Variants in SP100 observed in about 807,000 individuals in gnomAD.
The protein encoded by SP100 is nuclear autoantigen Sp-100.
A neutral mutation model predicts 130.0 loss-of-function variants in SP100; 84 were observed. The observed-to-expected ratio is 0.65, with a 90% CI of 0.54 to 0.77. SP100 has a LOEUF of 0.77. Ranked by LOEUF, SP100 falls within the 30% of genes least tolerant of loss-of-function variation. SP100 has a pLI of 0.00. For missense variants in SP100, 978 were observed against 1,052.2 expected, an observed-to-expected ratio of 0.93 and a Z score of 0.97; for synonymous variants, 331 against 351.7, an observed-to-expected ratio of 0.94 and a Z score of 0.66.
At chr2:230,541,127 A>T in intron 26 of SP100, 131 bp downstream of exon 26, 1 of 1,258,330 alleles carries the variant, frequency 7.9e-7, no homozygotes, top group Non-Finnish European at 1.1e-6. Context: ...TTGCTCCATG[A>T]CCTAACGCTA....
At chr2:230,528,902 C>A (rs543467150) in intron 24 of SP100, among the ~76,000 whole-genome samples, 117 of 152,272 alleles carry the variant, frequency 7.7e-4, no homozygotes, top group African/African-American at 2.6e-3. Context: ...TCTGCATAGA[C>A]CAATAACAGG....
intron 2 of SP100, among the ~76,000 whole-genome samples, chr2:230,418,231 C>T (rs2062671055): frequency 6.6e-6 from 1 of 152,166 alleles, no homozygotes. Flanking sequence ...TTGTCTCAAA[C>T]TTTTCCTCCA....
intron 17 of SP100, 110 bp downstream of exon 17, chr2:230,474,557 G>A: frequency 1.6e-6 from 1 of 628,714 alleles, no homozygotes. Flanking sequence ...ATAGATTAAA[G>A]GGTGCATTTG....
At chr2:230,519,011 C>G (rs1203916136) in intron 24 of SP100, among the ~76,000 whole-genome samples, 2 of 152,180 alleles carry the variant, frequency 1.3e-5, no homozygotes, top group African/African-American at 4.8e-5. Flanking sequence ...GTAAATTTCA[C>G]TAGTTTTAAA....
intron 20 of SP100, 77 bp from the exon 21 acceptor site, chr2:230,504,109 G>A (rs1323089199): frequency 2.8e-6 from 2 of 725,620 alleles, no homozygotes; most frequent in South Asian, 1.8e-5. Flanking sequence ...ATAAAAGAAA[G>A]CTCTCAAGAC....
At chr2:230,437,502 T>C (rs1296026866) in intron 2 of SP100, among the ~76,000 whole-genome samples, 1 of 152,192 alleles carries the variant, frequency 6.6e-6, no homozygotes, top group Admixed American at 6.5e-5. Context: ...AATATTGATA[T>C]ATATTTCAAG....
chr2:230,504,508 G>A (rs1391603879), intron 21 of SP100, among the ~76,000 whole-genome samples: 3 of 152,172 alleles, frequency 2.0e-5, no homozygotes, highest in African/African-American at 7.2e-5. Context: ...TGCACATGGG[G>A]TGAAATTCAG....
intron 17 of SP100, among the ~76,000 whole-genome samples, chr2:230,491,791 C>A (rs917553652): frequency 3.9e-5 from 6 of 152,212 alleles, no homozygotes; most frequent in African/African-American, 9.7e-5. Context: ...GGAGCCAAAC[C>A]ATATAACGAT....
intron 2 of SP100, among the ~76,000 whole-genome samples, chr2:230,422,161 T>C (rs2149858021): frequency 6.6e-6 from 1 of 152,294 alleles, no homozygotes; most frequent in South Asian, 2.1e-4. Context: ...TTTTGAAAAG[T>C]TGTTTCTCTT....
chr2:230,455,963 A>G (rs1012032964), intron 8 of SP100, among the ~76,000 whole-genome samples: 1 of 152,206 alleles, frequency 6.6e-6, no homozygotes, highest in Admixed American at 6.5e-5. Flanking sequence ...ATACTCTAAA[A>G]AATTATTGTA....
chr2:230,511,093 T>C (rs1429385238), intron 23 of SP100, 32 bp from the exon 24 acceptor site: 2 of 1,488,686 alleles, frequency 1.3e-6, no homozygotes, highest in East Asian at 2.3e-5. Flanking sequence ...TCACACTCAA[T>C]ATTGTACCAA....
intron 17 of SP100, among the ~76,000 whole-genome samples, chr2:230,475,254 T>C (rs1345283128): frequency 6.6e-6 from 1 of 152,224 alleles, no homozygotes; most frequent in African/African-American, 2.4e-5. Context: ...AGATGGTATC[T>C]CACTGTGATT....
At chr2:230,445,561 A>T (rs1559491704) in intron 4 of SP100, among the ~76,000 whole-genome samples, 1 of 152,240 alleles carries the variant, frequency 6.6e-6, no homozygotes, top group Non-Finnish European at 1.5e-5. Flanking sequence ...CAGTAGTTGT[A>T]TATGGCTTAT....
intron 2 of SP100, among the ~76,000 whole-genome samples, chr2:230,437,552 T>G (rs1339841835): frequency 4.6e-5 from 7 of 152,122 alleles, no homozygotes; most frequent in Admixed American, 2.0e-4. Flanking sequence ...TTCTTTGTTT[T>G]TTTTGTTTTG....
intron 2 of SP100, among the ~76,000 whole-genome samples, chr2:230,440,291 C>A (rs187001919): frequency 7.9e-5 from 12 of 152,014 alleles, no homozygotes; most frequent in Non-Finnish European, 1.5e-4. Context: ...ACTAGAAATA[C>A]TACATGAATT....
At chr2:230,540,728 TG>T in intron 25 of SP100, 147 bp from the exon 26 acceptor site, 1 of 921,166 alleles carries the variant, frequency 1.1e-6, no homozygotes, top group East Asian at 2.7e-5. Flanking sequence ...TGAGTCCAAA[TG>T]GGGCTCTAGT....
At chr2:230,541,197 CAA>C in intron 26 of SP100, 102 bp from the exon 27 acceptor site, 2 of 1,262,168 alleles carry the variant, frequency 1.6e-6, no homozygotes, top group Non-Finnish European at 2.2e-6. Context: ...ATGTTTGTTT[CAA>C]AGAGTCCACA....
intron 10 of SP100, 123 bp downstream of exon 10, chr2:230,462,641 T>C (rs1199417677): frequency 2.7e-6 from 2 of 739,652 alleles, no homozygotes; most frequent in Non-Finnish European, 4.8e-6. Context: ...TGGGATCCCA[T>C]TCTTTGCATT....
chr2:230,481,782 C>T (rs1226594997), intron 17 of SP100, among the ~76,000 whole-genome samples: 2 of 152,178 alleles, frequency 1.3e-5, no homozygotes, highest in Non-Finnish European at 2.9e-5. Flanking sequence ...CTTTATGATT[C>T]CCCCTCACTT....
Sources: gnomAD v4.1 joint callset for allele counts (sites outside exome capture counted in the v4.1 genomes callset) on GRCh38, gnomAD v4.1.1 for gene constraint, MANE v1.5 for transcripts, NCBI Gene and HGNC (gene_info 2026-07-23, HGNC 2026-07-21) for gene names.